Variants in REV3L observed in about 807,000 individuals in gnomAD.
REV3L encodes the protein REV3 like, DNA directed polymerase zeta catalytic subunit.
In REV3L, 69 loss-of-function variants were observed where a neutral mutation model predicts 299.4. The observed-to-expected ratio is 0.23, with a 90% CI of 0.19 to 0.28. The LOEUF (loss-of-function observed/expected upper bound fraction) is 0.28, where lower values mean the gene tolerates loss of function less well. Among genes scored for constraint, REV3L ranks in the 10% least tolerant of loss-of-function variants. The pLI is 1.00. For missense variants in REV3L, 3,128 were observed against 3,693.8 expected, an observed-to-expected ratio of 0.85 and a Z score of 3.97; for synonymous variants, 1,238 against 1,271.4, an observed-to-expected ratio of 0.97 and a Z score of 0.56.
chr6:111,302,330 G>A (rs1302147805), intron 31 of REV3L, among the ~76,000 whole-genome samples: 5 of 152,162 alleles, frequency 3.3e-5, no homozygotes, highest in Non-Finnish European at 7.3e-5. Context: ...TTACATTCAG[G>A]TGCCAGGACA....
At chr6:111,338,788 T>C (rs1037267253) in intron 21 of REV3L, among the ~76,000 whole-genome samples, 2 of 152,158 alleles carry the variant, frequency 1.3e-5, no homozygotes, top group African/African-American at 4.8e-5. Flanking sequence ...TAATAGTATA[T>C]TTCAAAAGAA....
Position 111,372,704 on chromosome 6 carries a change from G to A in REV3L, c.5651C>T (p.Pro1884Leu). ...TANILKPLMS[P>L]PSREEIMATL... ...TGCCATAATTTCTTCCCTACTTGGG[G>A]GGGACATAAGTGGTTTCAGAATGTT... The change falls in exon 13 of 32, where the codon CCC (proline) becomes CTC (leucine). Residue 1884 changes from proline to leucine, a missense_variant. Pro to Leu is a moderately conservative substitution (Grantham distance 98). Coordinates refer to ENST00000368802, the MANE Select transcript of REV3L (RefSeq NM_001372078.1). The A allele has an allele frequency of 6.2e-7, 1 of 1,605,362 alleles. No homozygotes were observed. Among genetic ancestry groups the A allele is most frequent in the Non-Finnish European group, 8.5e-7 (1 of 1,176,338 alleles).
At chr6:111,453,413 T>C (rs1283333532) in intron 1 of REV3L, among the ~76,000 whole-genome samples, 1 of 152,160 alleles carries the variant, frequency 6.6e-6, no homozygotes, top group Non-Finnish European at 1.5e-5. Flanking sequence ...CTCCATTTCA[T>C]GGAGACGTAG....
intron 24 of REV3L, chr6:111,330,322 G>A: frequency 2.2e-6 from 1 of 453,742 alleles, no homozygotes. Flanking sequence ...TCTGGAAGAG[G>A]GGATGAATAG....
chr6:111,372,510 T>C, intron 13 of REV3L, 86 bp downstream of exon 13: 1 of 1,060,524 alleles, frequency 9.4e-7, no homozygotes, highest in Non-Finnish European at 1.3e-6. Flanking sequence ...AAATGTTGCA[T>C]ACATTCTTTT....
intron 1 of REV3L, among the ~76,000 whole-genome samples, chr6:111,465,025 C>T (rs1456294497): frequency 4.0e-5 from 6 of 150,976 alleles, no homozygotes; most frequent in African/African-American, 1.5e-4. Flanking sequence ...ACACATAAAA[C>T]GGTCTATGCT....
Position 111,374,382 on chromosome 6 carries a change from T to A in REV3L, c.3973A>T (p.Asn1325Tyr). The A allele has an allele frequency of 1.2e-6, 2 of 1,614,010 alleles. No homozygotes were observed. The highest frequency in any genetic ancestry group is 8.5e-7 in the Non-Finnish European group (1 of 1,179,924). ...TTTGAGACTCCAGGTCCTATAGAAT[T>A]ACAAACAACTGATGGATGCAAATCA... ...RDDLHPSVVCNSIGPGVSKIN... is the reference protein window; with the variant it reads ...RDDLHPSVVCYSIGPGVSKIN... Residue 1325 changes from asparagine (N) to tyrosine (Y), a missense_variant, in exon 13 of 32, where the codon AAT becomes TAT. Transcript: ENST00000368802.
intron 18 of REV3L, among the ~76,000 whole-genome samples, chr6:111,352,578 T>G (rs990589027): frequency 6.6e-6 from 1 of 152,116 alleles, no homozygotes; most frequent in African/African-American, 2.4e-5. Flanking sequence ...GAAAGAAAAA[T>G]GAGAATGCTT....
chr6:111,386,445 T>C (rs1007363270), intron 9 of REV3L, among the ~76,000 whole-genome samples: 2 of 152,078 alleles, frequency 1.3e-5, no homozygotes, highest in East Asian at 3.8e-4. Context: ...AGACAGATAA[T>C]AACAAGTGTT....
intron 1 of REV3L, among the ~76,000 whole-genome samples, chr6:111,480,012 G>A (rs576067652): frequency 6.6e-6 from 1 of 152,224 alleles, no homozygotes; most frequent in African/African-American, 2.4e-5. Flanking sequence ...TAGTAAAAGG[G>A]TATTAATCCA....
intron 5 of REV3L, among the ~76,000 whole-genome samples, chr6:111,391,577 T>G (rs984166833): frequency 1.3e-5 from 2 of 152,196 alleles, no homozygotes; most frequent in African/African-American, 4.8e-5. Flanking sequence ...AGAGAAGGAA[T>G]ATAATTAGCC....
Position 111,390,175 on chromosome 6 carries a change from A to G in REV3L, c.668T>C (p.Leu223Ser). ...RWEQDEIPSS[L>S]ILEGVEPQST... ...CTGTGGTTCAACACCTTCCAATATTAAAGAGCTGCAATTAAAGGATATAAA... is the reference window on the plus strand; with the variant it reads ...CTGTGGTTCAACACCTTCCAATATTGAAGAGCTGCAATTAAAGGATATAAA... Residue 223 changes from leucine (L) to serine (S), a missense_variant, in exon 6 of 32, where the codon TTA becomes TCA. Leu to Ser is a moderately radical substitution (Grantham distance 145). Coordinates refer to ENST00000368802, the MANE Select transcript of REV3L (RefSeq NM_001372078.1). 6.3e-7 allele frequency: 1 copy of G among 1,576,496 alleles called. No homozygotes were observed. The highest frequency in any genetic ancestry group is 2.2e-5 in the East Asian group (1 of 44,642).
chr6:111,383,047 T>C (rs1780995880), intron 9 of REV3L, among the ~76,000 whole-genome samples: 1 of 152,180 alleles, frequency 6.6e-6, no homozygotes, highest in African/African-American at 2.4e-5. Flanking sequence ...GCAGGGTTCA[T>C]CACTTGCTCA....
At position 111,376,379 on chromosome 6, in the gene REV3L, ATAC is replaced by A; in HGVS notation, c.1973_1975del (p.Ser658del). On this transcript the variant is annotated inframe_deletion, in exon 13 of 32. Coordinates refer to ENST00000368802, the MANE Select transcript of REV3L (RefSeq NM_001372078.1). The stretch of plus-strand genomic sequence containing the variant: ...TGGAATATCTTCTTCATAATCAAAA[ATAC>A]TACTTTCACAGGAAGATACTGGGAG... The A allele has an allele frequency of 6.2e-7, 1 of 1,612,546 alleles. No homozygotes were observed. Among genetic ancestry groups the A allele is most frequent in the Non-Finnish European group, 8.5e-7 (1 of 1,179,560 alleles).
intron 1 of REV3L, among the ~76,000 whole-genome samples, chr6:111,436,598 A>G (rs1305662906): frequency 6.6e-6 from 1 of 152,170 alleles, no homozygotes; most frequent in Admixed American, 6.5e-5. Flanking sequence ...ATGAAGATAT[A>G]GAGTAGACTG....
At chr6:111,349,680 CCTCAGCTG>C (rs1582632775) in intron 19 of REV3L, among the ~76,000 whole-genome samples, 1 of 152,186 alleles carries the variant, frequency 6.6e-6, no homozygotes, top group East Asian at 1.9e-4. Context: ...AATCCGCCTG[CCTCAGCTG>C]CTCGAATAGC....
At chr6:111,436,352 A>G (rs960290012) in intron 1 of REV3L, among the ~76,000 whole-genome samples, 4 of 152,222 alleles carry the variant, frequency 2.6e-5, no homozygotes, top group African/African-American at 9.6e-5. Context: ...TATATTCACA[A>G]TAACAAAAAT....
intron 1 of REV3L, among the ~76,000 whole-genome samples, chr6:111,422,701 T>TA (rs1785713353): frequency 3.8e-5 from 5 of 130,206 alleles, no homozygotes; most frequent in South Asian, 2.4e-4. Flanking sequence ...TATATATATA[T>TA]TTCCCCCCAC....
Position 111,376,314 on chromosome 6 carries a change from T to C in REV3L, c.2041A>G (p.Ile681Val), listed in dbSNP as rs1322054995. 8.7e-6 allele frequency: 14 copies of C among 1,613,376 alleles called. No homozygotes were observed. Among genetic ancestry groups the C allele is most frequent in the African/African-American group, 4.0e-5 (3 of 74,894 alleles). Residue 681 changes from isoleucine to valine, a missense_variant, in exon 13 of 32, where the codon ATT becomes GTT. Ile to Val is a conservative substitution (Grantham distance 29). Around this residue, in one of 9 missense-constraint regions of REV3L, gnomAD observed 2,409 missense variants for 2,611.8 expected, o/e 0.92. Coordinates refer to ENST00000368802, the MANE Select transcript of REV3L (RefSeq NM_001372078.1). ...RQVPSRKYTN[I>V]RKIEKDSPFI... ...GGGGAATCCTTTTCGATTTTTCTAA[T>C]GTTTGTATATTTTCTACTTGGTACT...
Sources: allele counts gnomAD v4.1 joint callset (sites outside exome capture counted in the v4.1 genomes callset), GRCh38; gene constraint gnomAD v4.1.1; regional missense constraint gnomAD v4.1.1; transcripts MANE v1.5; gene names NCBI Gene and HGNC (gene_info 2026-07-23, HGNC 2026-07-21).